The following CALN1 variants were observed in gnomAD, a reference collection of about 807,000 sequenced individuals.
CALN1 encodes calneuron 1, also known as calcium-binding protein 8.
CALN1 carries 17 observed loss-of-function variants against 30.6 expected under a neutral mutation model. The ratio of observed to expected loss-of-function variants is 0.56; its 90% CI spans 0.38 to 0.83. The LOEUF (loss-of-function observed/expected upper bound fraction) is 0.83. Ranked by LOEUF, CALN1 falls within the 40% of genes least tolerant of loss-of-function variation. The pLI is 0.00. For missense variants in CALN1, 291 were observed against 354.9 expected (o/e 0.82, Z 1.45); for synonymous variants, 156 against 131.4 (o/e 1.19, Z -1.28).
At chr7:72,282,734 G>C (rs539770868) in intron 2 of CALN1, among the ~76,000 whole-genome samples, 1 of 152,194 alleles carries the variant, frequency 6.6e-6, no homozygotes, top group African/African-American at 2.4e-5. Flanking sequence ...TGTTACAGCA[G>C]TAGAAACTAA....
chr7:72,011,219 AAAAAACAAAAAAAAAC>A (rs1800060843), intron 5 of CALN1, among the ~76,000 whole-genome samples: 4 of 150,566 alleles, frequency 2.7e-5, no homozygotes, highest in South Asian at 4.2e-4. Context: ...GCAATATAGG[AAAAAACAAAAAAAAAC>A]AAAAACAAAA....
At chr7:72,336,670 G>A in intron 2 of CALN1, 1 of 984,208 alleles carries the variant, frequency 1.0e-6, no homozygotes, top group South Asian at 4.7e-5. Flanking sequence ...GAGCGCGCGC[G>A]CGGGTAAGCT....
At chr7:72,379,906 A>C (rs1030192762) in intron 2 of CALN1, among the ~76,000 whole-genome samples, 18 of 152,206 alleles carry the variant, frequency 1.2e-4, no homozygotes, top group African/African-American at 4.3e-4. Context: ...TGCTGGCATC[A>C]CATGCAACCT....
intron 5 of CALN1, among the ~76,000 whole-genome samples, chr7:72,015,981 G>A (rs1388210315): frequency 6.6e-6 from 1 of 152,108 alleles, no homozygotes; most frequent in Non-Finnish European, 1.5e-5. Flanking sequence ...AGGCACGGTG[G>A]CTCACACCTG....
chr7:71,864,056 T>C (rs531894484), intron 5 of CALN1, among the ~76,000 whole-genome samples: 1 of 152,262 alleles, frequency 6.6e-6, no homozygotes, highest in East Asian at 1.9e-4. Flanking sequence ...AGATTCTCTA[T>C]TGAGGTTAGT....
intron 5 of CALN1, among the ~76,000 whole-genome samples, chr7:72,016,092 C>T (rs893628545): frequency 1.3e-5 from 2 of 151,738 alleles, no homozygotes; most frequent in Admixed American, 6.6e-5. Flanking sequence ...CTAACAAAAA[C>T]ACAAAAATTA....
intron 1 of CALN1, among the ~76,000 whole-genome samples, chr7:72,444,557 C>A (rs76558425): frequency 0.012 from 1,859 of 152,248 alleles, 39 homozygotes; most frequent in African/African-American, 0.043. Context: ...AGGCCCTTTG[C>A]TAGCTTTTGG....
At chr7:72,363,280 C>T (rs1039263007) in intron 2 of CALN1, among the ~76,000 whole-genome samples, 1 of 152,172 alleles carries the variant, frequency 6.6e-6, no homozygotes, top group Admixed American at 6.5e-5. Context: ...GCTCTGTTGC[C>T]TAGGCTGGAG....
intron 2 of CALN1, among the ~76,000 whole-genome samples, chr7:72,297,722 G>C (rs1798964882): frequency 6.6e-6 from 1 of 152,190 alleles, no homozygotes; most frequent in African/African-American, 2.4e-5. Flanking sequence ...GATCCAAATG[G>C]AAGAAAAATG....
chr7:72,271,575 A>AAAAAAATATATATATAT lies in CALN1; in HGVS notation c.244+7110_244+7111insATATATATATATTTTTT. Among the ~76,000 whole-genome samples the AAAAAAATATATATATAT allele has an allele frequency of 7.1e-3, 372 of 52,092 alleles. 27 individuals carry two copies. The highest frequency in any genetic ancestry group is 0.044 in the African/African-American group (329 of 7,426). The allele number at this position is 52,092 out of a possible 152,430, so 34.2% of individuals were successfully genotyped here. ...CTGTGCCTGCCTTTTAAAAAAAAAA[A>AAAAAAATATATATATAT]ATATATATATATATATATAGTTTTC... On this transcript the variant is annotated intron_variant, in intron 3 of 6. Transcript: ENST00000395275.
chr7:72,145,970 C>T (rs889936714), intron 3 of CALN1, among the ~76,000 whole-genome samples: 5 of 152,252 alleles, frequency 3.3e-5, no homozygotes, highest in Middle Eastern at 3.4e-3. Context: ...TGGGACGTAT[C>T]TCAAAATAAT....
At chr7:72,024,542 G>A (rs531547653) in intron 4 of CALN1, among the ~76,000 whole-genome samples, 2 of 152,206 alleles carry the variant, frequency 1.3e-5, no homozygotes, top group African/African-American at 4.8e-5. Flanking sequence ...GGGATTACAG[G>A]AGCAAGCCAC....
intron 2 of CALN1, among the ~76,000 whole-genome samples, chr7:72,308,374 A>G (rs111986263): frequency 0.069 from 476 of 6,940 alleles, 4 homozygotes; most frequent in East Asian, 0.2. Context: ...TGGGGGGGGG[A>G]GAGAGAGAGA....
At chr7:72,391,897 C>G (rs977568579) in intron 2 of CALN1, among the ~76,000 whole-genome samples, 23 of 152,102 alleles carry the variant, frequency 1.5e-4, no homozygotes, top group Non-Finnish European at 2.9e-4. Context: ...TAATACAGTC[C>G]CCAAATTCAT....
At chr7:72,335,773 C>T (rs887856350) in intron 2 of CALN1, among the ~76,000 whole-genome samples, 2 of 152,206 alleles carry the variant, frequency 1.3e-5, no homozygotes, top group Non-Finnish European at 2.9e-5. Flanking sequence ...GCTGGTGGCC[C>T]GGGCGCACGT....
intron 5 of CALN1, among the ~76,000 whole-genome samples, chr7:71,966,192 T>C (rs1286198298): frequency 6.6e-6 from 1 of 152,206 alleles, no homozygotes; most frequent in African/African-American, 2.4e-5. Flanking sequence ...TCTGTCACCA[T>C]AAAGCAAGCA....
intron 3 of CALN1, among the ~76,000 whole-genome samples, chr7:72,205,587 T>TA (rs1791815805): frequency 7.5e-6 from 1 of 133,560 alleles, no homozygotes; most frequent in African/African-American, 2.9e-5. Flanking sequence ...TATATATATA[T>TA]TCAGGAGAAA....
At chr7:72,390,533 G>A (rs937442033) in intron 2 of CALN1, among the ~76,000 whole-genome samples, 1 of 152,166 alleles carries the variant, frequency 6.6e-6, no homozygotes, top group African/African-American at 2.4e-5. Context: ...TAGAATTCAA[G>A]AGGTCCACAA....
intron 5 of CALN1, among the ~76,000 whole-genome samples, chr7:72,018,693 T>C (rs1800539132): frequency 6.6e-6 from 1 of 152,202 alleles, no homozygotes; most frequent in Admixed American, 6.5e-5. Context: ...ATCAATTTCC[T>C]GCAAAGAGCC....
Sources: gnomAD v4.1 joint callset for allele counts (sites outside exome capture counted in the v4.1 genomes callset) on GRCh38, gnomAD v4.1.1 for gene constraint, MANE v1.5 for transcripts, NCBI Gene and HGNC (gene_info 2026-07-23, HGNC 2026-07-21) for gene names.